Variants in NUMA1 observed in about 807,000 individuals in gnomAD.
NUMA1 encodes the protein nuclear mitotic apparatus protein 1.
Under a neutral mutation model 237.1 loss-of-function variants are expected in NUMA1, and 62 were observed. The observed-to-expected ratio is 0.26, with a 90% CI of 0.21 to 0.32. The LOEUF is 0.32. Among genes scored for constraint, NUMA1 ranks in the 10% least tolerant of loss-of-function variants. The pLI, the probability that NUMA1 is intolerant of heterozygous loss-of-function variation, is 1.00. For missense variants in NUMA1, 2,533 were observed against 2,666.5 expected, an observed-to-expected ratio of 0.95 and a Z score of 1.10; for synonymous variants, 1,028 against 1,066.1, an observed-to-expected ratio of 0.96 and a Z score of 0.70.
chr11:72,007,064 CT>C, intron 21 of NUMA1, 124 bp downstream of exon 21: 1 of 1,195,700 alleles, frequency 8.4e-7, no homozygotes, highest in Non-Finnish European at 1.2e-6. Context: ...GACCTCTCAG[CT>C]TTCCCACTGT....
At position 72,014,603 on chromosome 11, in the gene NUMA1, A is replaced by G. The variant is rs1221273593; in HGVS notation, c.2900T>C (p.Leu967Pro). The G allele has an allele frequency of 7.5e-6, 12 of 1,607,100 alleles. No homozygotes were observed. The highest frequency in any genetic ancestry group is 9.3e-6 in the Non-Finnish European group (11 of 1,179,998). ...CTCTGCCTCCCGCTCCATAGCCTGCAGCGCTGCCTGTGTGCTGCAGAACTG... is the reference window on the plus strand; with the variant it reads ...CTCTGCCTCCCGCTCCATAGCCTGCGGCGCTGCCTGTGTGCTGCAGAACTG... ...GRQFCSTQAA[L>P]QAMEREAEQM... The change falls in exon 15 of 27, where the codon CTG becomes CCG. Residue 967 changes from leucine (L) to proline (P), a missense_variant. By Grantham distance (98) the Leu-to-Pro change is moderately conservative. Coordinates refer to ENST00000393695, the MANE Select transcript of NUMA1 (RefSeq NM_006185.4). This position sits in a 1 kb window ranked among gnomAD's most constrained non-coding sequence, Gnocchi z 4.6.
chr11:72,016,232 G>C lies in NUMA1; in HGVS notation c.1271C>G (p.Thr424Ser). ...QLETLKQEAA[T>S]LAANNTQLQA... ...GAGCTGTGTGTTGTTTGCAGCAAGAGTGGCTGCCTCTTGCTTCAAGGTTTC... is the reference window on the plus strand; with the variant it reads ...GAGCTGTGTGTTGTTTGCAGCAAGACTGGCTGCCTCTTGCTTCAAGGTTTC... Residue 424 changes from threonine to serine, a missense_variant, in exon 15 of 27, where the codon ACT becomes AGT. By Grantham distance (58) the Thr-to-Ser change is moderately conservative. Around this residue, in one of 3 missense-constraint regions of NUMA1, gnomAD observed 1,414 missense variants for 1,508.1 expected, o/e 0.94. Transcript: ENST00000393695. 6.3e-7 allele frequency: 1 copy of C among 1,599,554 alleles called. No homozygotes were observed. The highest frequency in any genetic ancestry group is 8.6e-7 in the Non-Finnish European group (1 of 1,168,896).
At chr11:72,009,448 G>C in intron 17 of NUMA1, 61 bp from the exon 18 acceptor site, 2 of 1,523,722 alleles carry the variant, frequency 1.3e-6, no homozygotes. Flanking sequence ...CCGCTTATCT[G>C]CACCAGCCAC....
intron 2 of NUMA1, among the ~76,000 whole-genome samples, chr11:72,046,680 G>T (rs992504630): frequency 2.6e-5 from 4 of 152,110 alleles, no homozygotes; most frequent in Middle Eastern, 3.2e-3. Context: ...AGTAGGGAGG[G>T]CTGGGCACAG....
rs149775256 is a variant in NUMA1 at position 72,019,586 on chromosome 11, G to A, written c.492C>T (p.Phe164=). 1 of 1,613,914 alleles carries A rather than the reference G, an allele frequency of 6.2e-7. No individual in the cohort carries two copies. Among genetic ancestry groups the A allele is most frequent in the Admixed American group, 1.7e-5 (1 of 60,022 alleles). ...GGCTAGGTGGGGAGAGCTCTTCAGGGAATGTGCTAGAACAGGTAGAAGGCA... is the reference window on the plus strand; with the variant it reads ...GGCTAGGTGGGGAGAGCTCTTCAGGAAATGTGCTAGAACAGGTAGAAGGCA... ...APVPSTCSST[F]PEELSPPSHQ... The change falls in exon 9 of 27, where the codon TTC becomes TTT. Residue 164 remains phenylalanine, a synonymous_variant. Transcript: ENST00000393695.
At chr11:72,018,718 C>A in intron 10 of NUMA1, 105 bp downstream of exon 10, 1 of 1,389,664 alleles carries the variant, frequency 7.2e-7, no homozygotes, top group South Asian at 1.3e-5. Flanking sequence ...AGGCCCAGGG[C>A]TGAGCTCTCA....
Position 72,064,223 on chromosome 11 carries a change from T to C in NUMA1, c.-33+5619A>G, listed in dbSNP as rs186485335. On this transcript the variant is annotated intron_variant, in intron 2 of 26. Coordinates refer to ENST00000393695, the MANE Select transcript of NUMA1 (RefSeq NM_006185.4). ...CTATAATTCCAGCACTTTGGAAGGC[T>C]GAGGTGGGATGATTGCTTAAGCCCA... Among the ~76,000 whole-genome samples, 570 of 151,946 alleles carry C rather than the reference T, an allele frequency of 3.8e-3. 4 individuals carry two copies. The highest frequency in any genetic ancestry group is 0.013 in the African/African-American group (551 of 41,496).
At position 72,035,982 on chromosome 11, in the gene NUMA1, C is replaced by T. The variant is rs1336323988; in HGVS notation, c.-32-7G>A. ...GACAGTCACTCCAATGCGCCTGGAA[C>T]CCAAGAGAGGAAGAAAAGCAGTTAA... On this transcript the variant is annotated splice_polypyrimidine_tract_variant and splice_region_variant and intron_variant, in intron 2 of 26. Transcript: ENST00000393695. 6.2e-7 allele frequency: 1 copy of T among 1,605,734 alleles called. No homozygotes were observed. The highest frequency in any genetic ancestry group is 2.2e-5 in the East Asian group (1 of 44,836).
At chr11:72,065,477 A>C (rs1311190798) in intron 2 of NUMA1, 3 of 152,180 alleles carry the variant, frequency 2.0e-5, no homozygotes, top group Non-Finnish European at 4.4e-5. Context: ...CAGAATATAA[A>C]ATTTTAGGTA....
In NUMA1 at chr11:72,004,214, C is replaced by T; in HGVS notation, c.6123+11G>A. 1 of 1,608,062 alleles carries T rather than the reference C, an allele frequency of 6.2e-7. No homozygotes were observed. ...GGGCGTCGCTTCATCCCCCTTCAGC[C>T]CCAGCCTCACCTGTTTAGTAGAAGC... On this transcript the variant is annotated intron_variant, in intron 25 of 26. Coordinates refer to ENST00000393695, the MANE Select transcript of NUMA1 (RefSeq NM_006185.4).
At chr11:72,036,016 G>A (rs1565256516) in intron 2 of NUMA1, 41 bp from the exon 3 acceptor site, 11 of 1,442,412 alleles carry the variant, frequency 7.6e-6, no homozygotes, top group Non-Finnish European at 1.1e-5. Flanking sequence ...AATCATATCA[G>A]ATATCCATGA....
intron 11 of NUMA1, 37 bp downstream of exon 11, chr11:72,018,359 G>A (rs1210581087): frequency 5.6e-6 from 9 of 1,606,988 alleles, no homozygotes; most frequent in Non-Finnish European, 7.7e-6. Context: ...TGAGGGGAGG[G>A]GCTGGGGCCT....
chr11:72,053,065 ACTCT>A (rs777780199), intron 2 of NUMA1, among the ~76,000 whole-genome samples: 1 of 152,106 alleles, frequency 6.6e-6, no homozygotes, highest in African/African-American at 2.4e-5. Context: ...CAAGTTATTT[ACTCT>A]CTCTGTGCCC....
intron 1 of NUMA1, among the ~76,000 whole-genome samples, chr11:72,078,657 G>A (rs1215293578): frequency 6.6e-6 from 1 of 152,198 alleles, no homozygotes; most frequent in Non-Finnish European, 1.5e-5. Flanking sequence ...TGAACTAAGA[G>A]CTTAGACATT....
intron 2 of NUMA1, among the ~76,000 whole-genome samples, chr11:72,056,975 A>G (rs1192427680): frequency 6.6e-6 from 1 of 151,994 alleles, no homozygotes; most frequent in Non-Finnish European, 1.5e-5. Context: ...TCTCAATTTC[A>G]GAGATAACAA....
chr11:72,035,015 C>G (rs1443120000), intron 3 of NUMA1, among the ~76,000 whole-genome samples: 1 of 152,094 alleles, frequency 6.6e-6, no homozygotes, highest in Non-Finnish European at 1.5e-5. Flanking sequence ...CGACACCATG[C>G]CCAGCTGATT....
At chr11:72,058,954 G>A (rs985245220) in intron 2 of NUMA1, among the ~76,000 whole-genome samples, 12 of 152,182 alleles carry the variant, frequency 7.9e-5, no homozygotes, top group Non-Finnish European at 1.3e-4. Context: ...AATTGGAAAG[G>A]AGAAGGAATA....
chr11:72,058,654 C>T (rs540742502), intron 2 of NUMA1, among the ~76,000 whole-genome samples: 1 of 152,338 alleles, frequency 6.6e-6, no homozygotes, highest in South Asian at 2.1e-4. Context: ...ATCATCCCTA[C>T]CTCCCTTGCT....
intron 2 of NUMA1, among the ~76,000 whole-genome samples, chr11:72,053,756 G>T (rs900444392): frequency 6.6e-6 from 1 of 152,146 alleles, no homozygotes; most frequent in Non-Finnish European, 1.5e-5. Flanking sequence ...TAGGCCCTCT[G>T]TATCCATGGG....
Sources: allele counts gnomAD v4.1 joint callset (sites outside exome capture counted in the v4.1 genomes callset), GRCh38; gene constraint gnomAD v4.1.1; regional missense constraint gnomAD v4.1.1; non-coding constraint Gnocchi (gnomAD v3.1); transcripts MANE v1.5; gene names NCBI Gene and HGNC (gene_info 2026-07-23, HGNC 2026-07-21).